Variants in PLCH1 observed in about 807,000 individuals in gnomAD.
PLCH1 encodes the protein phospholipase C eta 1.
PLCH1 carries 60 observed loss-of-function variants against 126.7 expected under a neutral mutation model. That is an observed-to-expected ratio of 0.47 (90% CI 0.38 to 0.59). PLCH1 has a LOEUF of 0.59. Among genes scored for constraint, PLCH1 ranks in the 20% least tolerant of loss-of-function variants. The probability of loss-of-function intolerance (pLI) is 0.00; values close to 1 mark genes in which losing one functional copy is unlikely to be tolerated. For synonymous variants in PLCH1, 719 were observed against 734.9 expected (o/e 0.98, Z 0.35); for missense variants, 1,723 against 2,040.0 (o/e 0.84, Z 2.99).
At chr3:155,683,128 C>T (rs1744665127) in intron 2 of PLCH1, among the ~76,000 whole-genome samples, 1 of 152,174 alleles carries the variant, frequency 6.6e-6, no homozygotes, top group African/African-American at 2.4e-5. Flanking sequence ...AATCTCAAAA[C>T]AAACTGAGTA....
chr3:155,651,193 C>G (rs1398286760), intron 2 of PLCH1, among the ~76,000 whole-genome samples: 1 of 152,200 alleles, frequency 6.6e-6, no homozygotes, highest in Non-Finnish European at 1.5e-5. Flanking sequence ...TGTTCTTACT[C>G]TGAAAGTCTG....
At chr3:155,649,397 C>A (rs994486887) in intron 2 of PLCH1, among the ~76,000 whole-genome samples, 5 of 152,110 alleles carry the variant, frequency 3.3e-5, no homozygotes, top group African/African-American at 1.2e-4. Context: ...GACCTTGTTC[C>A]CTTAGAAGGA....
chr3:155,586,460 A>G (rs763407886), intron 4 of PLCH1, among the ~76,000 whole-genome samples: 3 of 152,136 alleles, frequency 2.0e-5, no homozygotes, highest in Non-Finnish European at 4.4e-5. Context: ...TAATCTCAAC[A>G]CTTTGTGAGG....
Position 155,593,969 on chromosome 3 carries a change from G to A in PLCH1, c.442C>T (p.Leu148Phe), listed in dbSNP as rs530518586. 5 of 1,614,064 alleles carry A rather than the reference G, an allele frequency of 3.1e-6. No individual in the cohort carries two copies. The East Asian group carries it at 6.7e-5, about 22-fold the overall frequency. ...LMAGISDEDS[L>F]AKRQRTHDQW... ...TCATGGGTCCTCTGCCTTTTGGCAA[G>A]GGAGTCTTCATCACTGATGCCAGCC... is the stretch of plus-strand genomic sequence containing the variant. Residue 148 changes from leucine (L) to phenylalanine (F), a missense_variant, in exon 4 of 23, where the codon CTT (leucine) becomes TTT (phenylalanine). This residue lies in a region of PLCH1 where 776 missense variants were observed against 1,062.9 expected (regional missense o/e 0.73). Coordinates refer to ENST00000460012, the MANE Select transcript of PLCH1 (RefSeq NM_014996.4).
chr3:155,566,818 A>G (rs1489311852), intron 7 of PLCH1, among the ~76,000 whole-genome samples: 3 of 152,190 alleles, frequency 2.0e-5, no homozygotes, highest in African/African-American at 7.2e-5. Context: ...AAGTACCTAA[A>G]TAGAATAATT....
intron 1 of PLCH1, among the ~76,000 whole-genome samples, chr3:155,741,068 T>G (rs358746): frequency 6.6e-6 from 1 of 151,956 alleles, no homozygotes; most frequent in Non-Finnish European, 1.5e-5. Flanking sequence ...AAGACAGAGA[T>G]CTTGATGATA....
intron 2 of PLCH1, among the ~76,000 whole-genome samples, chr3:155,622,857 C>G (rs2203812): frequency 0.49 from 73,799 of 151,910 alleles, 20,308 homozygotes; most frequent in African/African-American, 0.74. Flanking sequence ...AGATCAATGA[C>G]ACAGAAAATA....
intron 21 of PLCH1, among the ~76,000 whole-genome samples, chr3:155,466,223 C>G (rs1237195979): frequency 6.6e-6 from 1 of 152,182 alleles, no homozygotes; most frequent in Non-Finnish European, 1.5e-5. Flanking sequence ...CCAGTGCAGT[C>G]ATAGCAGTGG....
chr3:155,497,383 G>T lies in PLCH1; in HGVS notation c.1831C>A (p.Arg611=), dbSNP rs1291928091. The change falls in exon 15 of 23, where the codon CGA becomes AGA. Residue 611 remains arginine, a synonymous_variant. Coordinates refer to ENST00000460012, the MANE Select transcript of PLCH1 (RefSeq NM_014996.4). Reference sequence around the variant, plus strand: ...TACACAACCAAATCAGAGAGTTCTCGGCAGAGCTTCATGGTTTTCCTTCGG... The same window carrying T: ...TACACAACCAAATCAGAGAGTTCTCTGCAGAGCTTCATGGTTTTCCTTCGG... ...GRRRKTMKLC[R]ELSDLVVYTN... The T allele has an allele frequency of 6.2e-7, 1 of 1,613,880 alleles. No homozygotes were observed.
At chr3:155,451,570 A>G (rs952060908) in intron 21 of PLCH1, among the ~76,000 whole-genome samples, 1 of 152,238 alleles carries the variant, frequency 6.6e-6, no homozygotes, top group Non-Finnish European at 1.5e-5. Context: ...TAACATTTGA[A>G]TTAGTAAACT....
At chr3:155,584,599 ATTCT>A (rs1731120307) in intron 5 of PLCH1, among the ~76,000 whole-genome samples, 1 of 152,238 alleles carries the variant, frequency 6.6e-6, no homozygotes, top group South Asian at 2.1e-4. Flanking sequence ...GCTCTTCTTC[ATTCT>A]AAGTGAACAC....
At chr3:155,451,458 A>G (rs1238540532) in intron 21 of PLCH1, among the ~76,000 whole-genome samples, 1 of 152,206 alleles carries the variant, frequency 6.6e-6, no homozygotes, top group African/African-American at 2.4e-5. Context: ...AGAAGGTGTG[A>G]TGGTTCATTT....
Position 155,482,795 on chromosome 3 carries a change from G to A in PLCH1, c.3231C>T (p.Ser1077=). 1 of 1,614,150 alleles carries A rather than the reference G, an allele frequency of 6.2e-7. No homozygotes were observed. Among genetic ancestry groups the A allele is most frequent in the Non-Finnish European group, 8.5e-7 (1 of 1,180,026 alleles). The change falls in exon 23 of 23, where the codon TCC becomes TCT. Residue 1077 remains serine (S), a synonymous_variant. Coordinates refer to ENST00000460012, the MANE Select transcript of PLCH1 (RefSeq NM_014996.4). The part of the protein sequence containing the change: ...QENPCPSKSL[S]PKQHLAPDPV... ...GATCGGGAGCCAAATGCTGCTTTGG[G>A]GAGAGAGACTTGCTGGGACAGGGGT...
At chr3:155,609,328 T>A (rs12330573) in intron 2 of PLCH1, among the ~76,000 whole-genome samples, 28,906 of 151,950 alleles carry the variant, frequency 0.19, 3,552 homozygotes, top group African/African-American at 0.35. Flanking sequence ...GGAAGCCCCA[T>A]CCCTGGAGGA....
At chr3:155,687,379 T>C (rs942461146) in intron 2 of PLCH1, among the ~76,000 whole-genome samples, 1 of 152,142 alleles carries the variant, frequency 6.6e-6, no homozygotes, top group African/African-American at 2.4e-5. Context: ...CTAAAGATGA[T>C]AAAATAGGAA....
At chr3:155,458,391 AAGGAAGGAAGGAAGGAAGGAAGGAAG>A (rs1712528024) in intron 21 of PLCH1, among the ~76,000 whole-genome samples, 8 of 24,378 alleles carry the variant, frequency 3.3e-4, no homozygotes, top group African/African-American at 1.6e-3. Context: ...AGAAAGAAGG[AAGGAAGGAAGGAAGGAAGGAAGGAAG>A]GAAGGAAGGA....
chr3:155,647,805 C>T lies in PLCH1; in HGVS notation c.80-51427G>A, dbSNP rs115796763. ...ATATCATTCCTTTTATTCACTCAAGCAGCTGTAAGCATCAATAGAATATTC... is the reference window on the plus strand; with the variant it reads ...ATATCATTCCTTTTATTCACTCAAGTAGCTGTAAGCATCAATAGAATATTC... On this transcript the variant is annotated intron_variant, in intron 2 of 22. Transcript: ENST00000460012. 5.9e-3 allele frequency among the ~76,000 whole-genome samples: 891 copies of T among 152,208 alleles called. 12 individuals carry two copies. The highest frequency in any genetic ancestry group is 0.02 in the African/African-American group (843 of 41,532).
chr3:155,529,002 CT>C (rs1722315451), intron 10 of PLCH1, among the ~76,000 whole-genome samples: 4 of 152,282 alleles, frequency 2.6e-5, no homozygotes, highest in South Asian at 2.1e-4. Context: ...CAAATGAACA[CT>C]GTTTTTCAAG....
At chr3:155,494,609 C>A in intron 15 of PLCH1, 92 bp from the exon 16 acceptor site, 4 of 1,027,616 alleles carry the variant, frequency 3.9e-6, no homozygotes, top group Admixed American at 2.0e-5. Flanking sequence ...CAGATTATAC[C>A]AATAGCAAAA....
Sources: allele counts gnomAD v4.1 joint callset (sites outside exome capture counted in the v4.1 genomes callset), GRCh38; gene constraint gnomAD v4.1.1; regional missense constraint gnomAD v4.1.1; transcripts MANE v1.5; gene names NCBI Gene and HGNC (gene_info 2026-07-23, HGNC 2026-07-21).